SAMD5: variants seen among roughly 807,000 people sequenced by gnomAD.
The protein encoded by SAMD5 is sterile alpha motif domain containing 5, also known as sterile alpha motif domain-containing protein 5.
Under a neutral mutation model 11.3 loss-of-function variants are expected in SAMD5, and 13 were observed. The observed-to-expected ratio is 1.15, with a 90% CI of 0.75 to 1.83. The LOEUF is 1.83. SAMD5 is among the 40% of genes most tolerant of loss of function. The probability of loss-of-function intolerance (pLI) is 0.00; values close to 1 mark genes in which losing one functional copy is unlikely to be tolerated. For missense variants in SAMD5, 255 were observed against 239.1 expected (o/e 1.07, Z -0.44); for synonymous variants, 129 against 111.3 (o/e 1.16, Z -1.00).
At chr6:147,763,799 G>T in the SAMD5 span, among the ~76,000 whole-genome samples, 1 of 151,932 alleles carries the variant, frequency 6.6e-6, no homozygotes, top group Admixed American at 6.6e-5. Flanking sequence ...AGCCAGGATG[G>T]TCTCGATCTC....
chr6:147,620,098 T>C (rs1789937201), intron 1 of SAMD5, among the ~76,000 whole-genome samples: 1 of 152,184 alleles, frequency 6.6e-6, no homozygotes, highest in African/African-American at 2.4e-5. Context: ...GAATGAGCAA[T>C]GACACTGTTC....
chr6:147,794,101 A>G, the SAMD5 span, among the ~76,000 whole-genome samples: 1 of 152,198 alleles, frequency 6.6e-6, no homozygotes, highest in Non-Finnish European at 1.5e-5. Context: ...GTGGGAAAAA[A>G]TGCATCTGTC....
At chr6:147,837,335 T>C in the SAMD5 span, among the ~76,000 whole-genome samples, 1 of 152,172 alleles carries the variant, frequency 6.6e-6, no homozygotes, top group African/African-American at 2.4e-5. Context: ...GAAAGTCCCA[T>C]TCTCCTTACA....
At chr6:147,852,132 A>G in the SAMD5 span, among the ~76,000 whole-genome samples, 2 of 152,174 alleles carry the variant, frequency 1.3e-5, no homozygotes, top group African/African-American at 4.8e-5. Context: ...CCTAAAATTT[A>G]TAGAAAATGT....
At chr6:147,742,174 A>G (rs574832113), downstream of SAMD5, among the ~76,000 whole-genome samples, 33 of 152,170 alleles carry the variant, frequency 2.2e-4, no homozygotes, top group Non-Finnish European at 4.0e-4. Flanking sequence ...TGGTAGTATT[A>G]TGAAACAGTT....
At chr6:147,827,646 G>C in the SAMD5 span, among the ~76,000 whole-genome samples, 1 of 152,264 alleles carries the variant, frequency 6.6e-6, no homozygotes, top group African/African-American at 2.4e-5. Context: ...TCTTGTCTCT[G>C]GAACAGCTAC....
intron 1 of SAMD5, among the ~76,000 whole-genome samples, chr6:147,695,375 C>T (rs561993635): frequency 6.6e-6 from 1 of 151,950 alleles, no homozygotes; most frequent in Non-Finnish European, 1.5e-5. Context: ...TTAGGCCAAC[C>T]GTGCATATGT....
chr6:147,641,567 ATTT>A (rs35496907), intron 1 of SAMD5, among the ~76,000 whole-genome samples: 6 of 139,826 alleles, frequency 4.3e-5, no homozygotes, highest in Admixed American at 7.2e-5. Context: ...TCTGTCTTTA[ATTT>A]TTTTTTTTTT....
At chr6:147,667,723 T>C (rs935765720) in intron 1 of SAMD5, among the ~76,000 whole-genome samples, 2 of 152,208 alleles carry the variant, frequency 1.3e-5, no homozygotes, top group Non-Finnish European at 2.9e-5. Flanking sequence ...TCTGCATGTC[T>C]CCTAGAATTA....
chr6:147,624,710 T>C (rs1790025005), intron 1 of SAMD5, among the ~76,000 whole-genome samples: 1 of 152,108 alleles, frequency 6.6e-6, no homozygotes, highest in Admixed American at 6.5e-5. Flanking sequence ...AATGGACTTT[T>C]GGGACTTGGG....
chr6:147,591,065 C>T (rs1453004474), intron 1 of SAMD5, among the ~76,000 whole-genome samples: 2 of 151,880 alleles, frequency 1.3e-5, no homozygotes, highest in East Asian at 3.9e-4. Flanking sequence ...CAATGTAAAA[C>T]CACGGAGACA....
the SAMD5 span, among the ~76,000 whole-genome samples, chr6:147,825,555 A>T: frequency 9.9e-5 from 15 of 152,158 alleles, no homozygotes; most frequent in African/African-American, 3.1e-4. Context: ...GCATGAGCTC[A>T]TATAACATAG....
chr6:147,556,732 C>T (rs1788863411), intron 1 of SAMD5, among the ~76,000 whole-genome samples: 1 of 152,130 alleles, frequency 6.6e-6, no homozygotes, highest in Non-Finnish European at 1.5e-5. Context: ...CTCAAATATG[C>T]TTACATCACA....
intron 1 of SAMD5, among the ~76,000 whole-genome samples, chr6:147,617,229 G>A (rs2128449741): frequency 6.6e-6 from 1 of 151,514 alleles, no homozygotes; most frequent in South Asian, 2.1e-4. Flanking sequence ...TAACTCAAAG[G>A]TTTATAGGCA....
the SAMD5 span, among the ~76,000 whole-genome samples, chr6:147,768,649 T>G: frequency 6.6e-6 from 1 of 152,254 alleles, no homozygotes; most frequent in Non-Finnish European, 1.5e-5. Context: ...TATTTTATTT[T>G]ATTTTTAATC....
the SAMD5 span, among the ~76,000 whole-genome samples, chr6:147,858,472 C>T: frequency 1.3e-5 from 2 of 152,296 alleles, no homozygotes; most frequent in East Asian, 3.9e-4. Flanking sequence ...ACCTGATCCT[C>T]CCCTAGTTGA....
At chr6:147,530,648 T>C (rs191867078) in intron 1 of SAMD5, among the ~76,000 whole-genome samples, 1 of 152,284 alleles carries the variant, frequency 6.6e-6, no homozygotes, top group Admixed American at 6.5e-5. Flanking sequence ...GAACCACCAG[T>C]GAGAGGCAAA....
chr6:147,589,714 T>C (rs921274376), intron 1 of SAMD5, among the ~76,000 whole-genome samples: 6 of 152,182 alleles, frequency 3.9e-5, no homozygotes, highest in Admixed American at 2.0e-4. Flanking sequence ...TTGATAAATA[T>C]AGTCTTAAAA....
Position 147,711,933 on chromosome 6 carries a change from G to A in SAMD5, c.163-25384G>A, listed in dbSNP as rs1470994006. On this transcript the variant is annotated intron_variant, in intron 1 of 1. Coordinates refer to the SAMD5 transcript ENST00000566741. The surrounding 1 kb of genome is among the most constrained non-coding windows in gnomAD (Gnocchi z 4.1). ...GAGGTCTGCACCAACCATCTTTTAAGCTAAGATGTATCTTCAGTACCTTGG... is the reference window on the plus strand; with the variant it reads ...GAGGTCTGCACCAACCATCTTTTAAACTAAGATGTATCTTCAGTACCTTGG... Among the ~76,000 whole-genome samples the A allele has an allele frequency of 6.6e-6, 1 of 152,148 alleles. No homozygotes were observed. Among genetic ancestry groups the A allele is most frequent in the Non-Finnish European group, 1.5e-5 (1 of 68,028 alleles).
Sources: allele counts gnomAD v4.1 joint callset (sites outside exome capture counted in the v4.1 genomes callset), GRCh38; gene constraint gnomAD v4.1.1; non-coding constraint Gnocchi (gnomAD v3.1); transcripts MANE v1.5; gene names NCBI Gene and HGNC (gene_info 2026-07-23, HGNC 2026-07-21).